The following DLG2 variants were observed in gnomAD, a reference collection of about 807,000 sequenced individuals.
The protein encoded by DLG2 is discs large MAGUK scaffold protein 2, also known as disks large homolog 2.
In DLG2, 45 loss-of-function variants were observed where a neutral mutation model predicts 132.5. The ratio of observed to expected loss-of-function variants is 0.34; its 90% CI spans 0.27 to 0.44. The LOEUF is 0.44. Among genes scored for constraint, DLG2 ranks in the 20% least tolerant of loss-of-function variants. The pLI, the probability that DLG2 is intolerant of heterozygous loss-of-function variation, is 1.00. For synonymous variants in DLG2, 424 were observed against 419.6 expected, an observed-to-expected ratio of 1.01 and a Z score of -0.13; for missense variants, 1,045 against 1,196.9, an observed-to-expected ratio of 0.87 and a Z score of 1.87.
intron 11 of DLG2, among the ~76,000 whole-genome samples, chr11:84,037,838 G>C (rs2095910580): frequency 6.6e-6 from 1 of 151,848 alleles, no homozygotes; most frequent in Non-Finnish European, 1.5e-5. Flanking sequence ...CTATTAACTG[G>C]TTATAATTTC....
chr11:84,888,087 C>A (rs2088643938), intron 6 of DLG2, among the ~76,000 whole-genome samples: 1 of 151,988 alleles, frequency 6.6e-6, no homozygotes. Context: ...CCATAGAACA[C>A]TGCAAATTGA....
At chr11:83,585,622 A>G (rs1042661793) in intron 19 of DLG2, among the ~76,000 whole-genome samples, 6 of 152,254 alleles carry the variant, frequency 3.9e-5, no homozygotes, top group African/African-American at 1.4e-4. Context: ...AAGAATTAAC[A>G]CATGAACAAC....
chr11:84,126,067 G>A (rs1022979578), intron 9 of DLG2, among the ~76,000 whole-genome samples: 8 of 151,842 alleles, frequency 5.3e-5, no homozygotes, highest in African/African-American at 9.7e-5. Context: ...GTCAAATCCC[G>A]TTTGATTAAA....
intron 4 of DLG2, among the ~76,000 whole-genome samples, chr11:85,237,883 C>T (rs2075670261): frequency 6.6e-6 from 1 of 152,056 alleles, no homozygotes; most frequent in African/African-American, 2.4e-5. Context: ...TGGTGTTCAT[C>T]TTTTCCCTTC....
intron 7 of DLG2, among the ~76,000 whole-genome samples, chr11:84,293,525 T>C (rs2098038715): frequency 6.6e-6 from 1 of 152,016 alleles, no homozygotes; most frequent in Non-Finnish European, 1.5e-5. Context: ...AATACAAAAA[T>C]TAGCCGTGCA....
chr11:84,412,713 A>G (rs1601680462), intron 7 of DLG2, among the ~76,000 whole-genome samples: 1 of 152,168 alleles, frequency 6.6e-6, no homozygotes, highest in African/African-American at 2.4e-5. Flanking sequence ...TGGCAAGCTA[A>G]GCACCTGCCT....
At position 85,034,213 on chromosome 11, in the gene DLG2, G is replaced by A. The variant is rs190088100; in HGVS notation, c.357+77448C>T. ...CTGCCTCAGCCTCCCGAGTAGCTGG[G>A]ACCACAGGCGCCTGCCACCATGCCC... On this transcript the variant is annotated intron_variant, in intron 6 of 27. Coordinates refer to ENST00000376104, the MANE Select transcript of DLG2 (RefSeq NM_001142699.3). 1.7e-4 allele frequency among the ~76,000 whole-genome samples: 26 copies of A among 152,086 alleles called. No individual in the cohort carries two copies. In the East Asian group the frequency reaches 4.3e-3, roughly 25 times the overall value.
intron 4 of DLG2, among the ~76,000 whole-genome samples, chr11:85,264,664 G>A (rs2077111008): frequency 6.6e-6 from 1 of 152,094 alleles, no homozygotes; most frequent in Admixed American, 6.6e-5. Context: ...CAAGATAACA[G>A]CACCGTATCC....
intron 15 of DLG2, among the ~76,000 whole-genome samples, chr11:83,903,028 AC>A (rs1306744672): frequency 2.0e-5 from 3 of 152,138 alleles, no homozygotes; most frequent in African/African-American, 7.2e-5. Context: ...TCTCCATTTT[AC>A]CCAATTTTAT....
chr11:84,214,121 A>G (rs569954667), intron 8 of DLG2, among the ~76,000 whole-genome samples: 1 of 149,974 alleles, frequency 6.7e-6, no homozygotes, highest in Non-Finnish European at 1.5e-5. Context: ...AGAATTAGTG[A>G]AAAATGATGA....
intron 7 of DLG2, among the ~76,000 whole-genome samples, chr11:84,412,587 A>C (rs879201887): frequency 1.3e-5 from 2 of 152,234 alleles, no homozygotes; most frequent in African/African-American, 4.8e-5. Flanking sequence ...GTACAAAAAG[A>C]TAGATCCAAC....
At chr11:85,340,816 T>C (rs527808828) in intron 3 of DLG2, among the ~76,000 whole-genome samples, 63 of 152,328 alleles carry the variant, frequency 4.1e-4, no homozygotes, top group African/African-American at 1.4e-3. Context: ...ATTTGAGTCA[T>C]AGTAGAAAGC....
At chr11:85,324,616 A>G (rs1252371834) in intron 3 of DLG2, among the ~76,000 whole-genome samples, 1 of 152,310 alleles carries the variant, frequency 6.6e-6, no homozygotes, top group South Asian at 2.1e-4. Flanking sequence ...GTAGTTTCTA[A>G]CATACCTGAA....
intron 7 of DLG2, among the ~76,000 whole-genome samples, chr11:84,462,172 A>G (rs2099082113): frequency 6.6e-6 from 1 of 150,894 alleles, no homozygotes; most frequent in Admixed American, 6.6e-5. Flanking sequence ...GTTTCTTACT[A>G]AGCCTTCTTA....
In DLG2 at chr11:84,926,575, T is replaced by C. The variant is rs537861786; in HGVS notation, c.357+185086A>G. 2.0e-5 allele frequency among the ~76,000 whole-genome samples: 3 copies of C among 152,110 alleles called. No homozygotes were observed. The East Asian group carries it at 5.8e-4, about 29-fold the overall frequency. On this transcript the variant is annotated intron_variant, in intron 6 of 27. Coordinates refer to ENST00000376104, the MANE Select transcript of DLG2 (RefSeq NM_001142699.3). ...GTATTTGTATATTTACATACACTTG[T>C]AGGGAGAGGTGTGGGGTGTGGGTGT... is the stretch of plus-strand genomic sequence containing the variant.
chr11:84,751,599 C>T (rs1156740720), intron 6 of DLG2, among the ~76,000 whole-genome samples: 1 of 152,038 alleles, frequency 6.6e-6, no homozygotes. Flanking sequence ...TGCAGCATAG[C>T]AAAAATCGGC....
At chr11:84,223,835 C>T (rs924953795) in intron 8 of DLG2, among the ~76,000 whole-genome samples, 1 of 152,164 alleles carries the variant, frequency 6.6e-6, no homozygotes, top group Non-Finnish European at 1.5e-5. Context: ...GGATTACAGG[C>T]AGGAGCCAGT....
At chr11:84,061,414 G>T (rs555278632) in intron 10 of DLG2, among the ~76,000 whole-genome samples, 1 of 152,042 alleles carries the variant, frequency 6.6e-6, no homozygotes, top group African/African-American at 2.4e-5. Flanking sequence ...TAACTTTGTG[G>T]AATAAAACTT....
chr11:84,082,371 T>G (rs1192329179), intron 10 of DLG2, among the ~76,000 whole-genome samples: 6 of 152,344 alleles, frequency 3.9e-5, no homozygotes, highest in African/African-American at 1.4e-4. Context: ...CTAATTTACT[T>G]TGAAATGTCC....
Sources: gnomAD v4.1 joint callset for allele counts (sites outside exome capture counted in the v4.1 genomes callset) on GRCh38, gnomAD v4.1.1 for gene constraint, MANE v1.5 for transcripts, NCBI Gene and HGNC (gene_info 2026-07-23, HGNC 2026-07-21) for gene names.